Variants in ESCO1 observed in about 807,000 individuals in gnomAD.
The protein encoded by ESCO1 is N-acetyltransferase ESCO1.
Under a neutral mutation model 83.5 loss-of-function variants are expected in ESCO1, and 33 were observed. The observed-to-expected ratio is 0.40, with a 90% CI of 0.30 to 0.53. ESCO1 has a LOEUF of 0.53. Among genes scored for constraint, ESCO1 ranks in the 20% least tolerant of loss-of-function variants. ESCO1 has a pLI of 0.63. For synonymous variants in ESCO1, 332 were observed against 324.3 expected, an observed-to-expected ratio of 1.02 and a Z score of -0.25; for missense variants, 855 against 968.0, an observed-to-expected ratio of 0.88 and a Z score of 1.55.
intron 8 of ESCO1, among the ~76,000 whole-genome samples, chr18:21,540,232 C>T (rs1170598683): frequency 6.6e-6 from 1 of 152,128 alleles, no homozygotes; most frequent in Non-Finnish European, 1.5e-5. Flanking sequence ...ACTACTCATT[C>T]AGAGATATAT....
At chr18:21,542,619 CA>C (rs1298742017) in intron 8 of ESCO1, among the ~76,000 whole-genome samples, 3 of 152,154 alleles carry the variant, frequency 2.0e-5, no homozygotes, top group African/African-American at 7.2e-5. Flanking sequence ...TTACTAGTAT[CA>C]AACTAAGATC....
chr18:21,530,505 TGGGGGG>T lies in ESCO1; in HGVS notation c.2376-21_2376-16del. 8.7e-7 allele frequency: 1 copy of T among 1,148,926 alleles called. No individual in the cohort carries two copies. Among genetic ancestry groups the T allele is most frequent in the Non-Finnish European group, 1.2e-6 (1 of 852,904 alleles). The allele number at this position is 1,148,926 out of a possible 1,614,324, so 71.2% of individuals were successfully genotyped here. ...TAAAGTTACTCCTATTAAAAAAAAATGGGGGGGGGGAAGGGTTAAGTGTGAAATGTT... is the reference window on the plus strand; with the variant it reads ...TAAAGTTACTCCTATTAAAAAAAAATGGGGAAGGGTTAAGTGTGAAATGTT... On this transcript the variant is annotated splice_polypyrimidine_tract_variant and intron_variant, in intron 11 of 11. Transcript: ENST00000269214.
chr18:21,580,328 AC>A lies in ESCO1; in HGVS notation c.-694+3981del, dbSNP rs549476445. Among the ~76,000 whole-genome samples, 48 of 152,296 alleles carry A rather than the reference AC, an allele frequency of 3.2e-4. 1 individual carries two copies. The East Asian group carries it at 9.3e-3, about 29-fold the overall frequency. The stretch of plus-strand genomic sequence containing the variant: ...ACTTCTAGAGGGGGGAAAAATCCTG[AC>A]TACATACAGATGATTAAGATCAGAA... On this transcript the variant is annotated intron_variant, in intron 2 of 11. Transcript: ENST00000269214.
At chr18:21,552,587 T>C (rs891883911) in intron 8 of ESCO1, among the ~76,000 whole-genome samples, 1 of 152,198 alleles carries the variant, frequency 6.6e-6, no homozygotes, top group African/African-American at 2.4e-5. Context: ...AATTACCCAG[T>C]CTCAGGCAGT....
At chr18:21,546,963 C>T (rs1320046816) in intron 8 of ESCO1, among the ~76,000 whole-genome samples, 1 of 152,188 alleles carries the variant, frequency 6.6e-6, no homozygotes, top group Non-Finnish European at 1.5e-5. Context: ...AACACAGTCA[C>T]AAGTCATAAT....
chr18:21,534,167 G>C (rs141225770), intron 10 of ESCO1, among the ~76,000 whole-genome samples: 23 of 152,272 alleles, frequency 1.5e-4, no homozygotes, highest in African/African-American at 5.5e-4. Context: ...TTATGATCAA[G>C]CATACATCTG....
chr18:21,539,444 T>C (rs2037875823), intron 9 of ESCO1, among the ~76,000 whole-genome samples: 1 of 152,232 alleles, frequency 6.6e-6, no homozygotes, highest in Non-Finnish European at 1.5e-5. Context: ...CTGGACACAC[T>C]ACAAAGTTTA....
intron 1 of ESCO1, among the ~76,000 whole-genome samples, chr18:21,587,830 G>A (rs746495324): frequency 3.9e-5 from 6 of 152,074 alleles, no homozygotes; most frequent in Non-Finnish European, 8.8e-5. Flanking sequence ...CAACTTTGGA[G>A]GCTGAGGCGG....
At chr18:21,578,202 A>C (rs1030595777) in intron 2 of ESCO1, among the ~76,000 whole-genome samples, 2 of 152,222 alleles carry the variant, frequency 1.3e-5, no homozygotes, top group Non-Finnish European at 2.9e-5. Context: ...ACAGGAAAAA[A>C]GTAGCTTTGA....
At chr18:21,556,442 T>G (rs991044444) in intron 8 of ESCO1, among the ~76,000 whole-genome samples, 3 of 152,192 alleles carry the variant, frequency 2.0e-5, no homozygotes, top group African/African-American at 7.2e-5. Flanking sequence ...CAAGAGTTAC[T>G]GGAACATGGT....
intron 8 of ESCO1, among the ~76,000 whole-genome samples, chr18:21,552,419 G>C (rs1204532554): frequency 6.6e-6 from 1 of 152,126 alleles, no homozygotes; most frequent in Non-Finnish European, 1.5e-5. Context: ...AAATCTGATG[G>C]TTTTATAAGG....
rs13381941 is a variant in ESCO1 at position 21,574,182 on chromosome 18, G to A, written c.662C>T (p.Thr221Met). The A allele has an allele frequency of 0.39, 626,757 of 1,613,436 alleles. 130,892 individuals carry two copies. Among genetic ancestry groups the A allele is most frequent in the African/African-American group, 0.75 (56,321 of 74,886 alleles). The stretch of plus-strand genomic sequence containing the variant: ...CTGAGGACACTTTTCAGATCCTTGC[G>A]TGCATTGAGAACTACAAGCACAAGC... ...QTACACSSQC[T>M]QGSEKCPQKT... is the part of the protein sequence containing the mutation. The change falls in exon 4 of 12, where the codon ACG becomes ATG. Residue 221 changes from threonine to methionine, a missense_variant. By Grantham distance (81) the Thr-to-Met change is moderately conservative. Coordinates refer to ENST00000269214, the MANE Select transcript of ESCO1 (RefSeq NM_052911.3).
intron 6 of ESCO1, 78 bp from the exon 7 acceptor site, chr18:21,564,395 T>TTA: frequency 9.5e-7 from 1 of 1,054,212 alleles, no homozygotes; most frequent in Non-Finnish European, 1.4e-6. Context: ...ATAACTTATT[T>TTA]TCTTTTTTTT....
intron 1 of ESCO1, among the ~76,000 whole-genome samples, chr18:21,596,784 G>A (rs751481405): frequency 1.3e-5 from 2 of 151,992 alleles, no homozygotes; most frequent in African/African-American, 2.4e-5. Flanking sequence ...GCAGTGAGCC[G>A]AGATAGCACA....
intron 6 of ESCO1, 80 bp from the exon 7 acceptor site, chr18:21,564,397 CTTT>C: frequency 2.5e-6 from 2 of 795,582 alleles, no homozygotes; most frequent in Non-Finnish European, 1.8e-6. Flanking sequence ...AACTTATTTT[CTTT>C]TTTTTTTTGA....
At position 21,573,432 on chromosome 18, in the gene ESCO1, T is replaced by C; in HGVS notation, c.1412A>G (p.Glu471Gly). The C allele has an allele frequency of 6.2e-7, 1 of 1,611,996 alleles. No homozygotes were observed. Among genetic ancestry groups the C allele is most frequent in the African/African-American group, 1.3e-5 (1 of 74,882 alleles). ...AGCCCTTTCTGTGGTTTTATTAATT[T>C]CTACTGTAATATCATTAATTTTCAC... Reference protein sequence around the residue: ...EEVKINDITVEINKTTERAPE... With the variant: ...EEVKINDITVGINKTTERAPE... The change falls in exon 4 of 12, where the codon GAA becomes GGA. Residue 471 changes from glutamate (E) to glycine (G), a missense_variant. Glu to Gly is a moderately conservative substitution (Grantham distance 98). Coordinates refer to ENST00000269214, the MANE Select transcript of ESCO1 (RefSeq NM_052911.3).
chr18:21,530,533 TG>T, intron 11 of ESCO1, 43 bp from the exon 12 acceptor site: 2 of 1,334,150 alleles, frequency 1.5e-6, no homozygotes, highest in Middle Eastern at 2.7e-4. Context: ...AAGTGTGAAA[TG>T]TTAAAAAAAA....
At chr18:21,594,594 C>T (rs1427107405) in intron 1 of ESCO1, among the ~76,000 whole-genome samples, 14 of 151,968 alleles carry the variant, frequency 9.2e-5, no homozygotes, top group African/African-American at 1.5e-4. Context: ...GTCCCAGCTA[C>T]TCGGGAGGCT....
chr18:21,578,991 G>T (rs1468911485), intron 2 of ESCO1, among the ~76,000 whole-genome samples: 4 of 152,134 alleles, frequency 2.6e-5, no homozygotes, highest in Non-Finnish European at 5.9e-5. Flanking sequence ...CTCCTGAGTA[G>T]CTGGGATTAC....
Sources: gnomAD v4.1 joint callset for allele counts (sites outside exome capture counted in the v4.1 genomes callset) on GRCh38, gnomAD v4.1.1 for gene constraint, MANE v1.5 for transcripts, NCBI Gene and HGNC (gene_info 2026-07-23, HGNC 2026-07-21) for gene names.